ITGAV: variants seen among roughly 807,000 people sequenced by gnomAD.
ITGAV encodes the protein integrin subunit alpha V, also known as integrin alpha-V.
ITGAV carries 76 observed loss-of-function variants against 143.8 expected under a neutral mutation model. The observed-to-expected ratio is 0.53, with a 90% CI of 0.44 to 0.64. The LOEUF is 0.64. ITGAV is among the 30% of genes least tolerant of loss of function. The probability of loss-of-function intolerance (pLI) is 0.00; values close to 1 mark genes in which losing one functional copy is unlikely to be tolerated. For missense variants in ITGAV, 1,193 were observed against 1,274.7 expected (o/e 0.94, Z 0.98); for synonymous variants, 453 against 446.7 (o/e 1.01, Z -0.18).
intron 2 of ITGAV, among the ~76,000 whole-genome samples, chr2:186,618,121 AT>A (rs1687420165): frequency 6.6e-6 from 1 of 152,176 alleles, no homozygotes; most frequent in African/African-American, 2.4e-5. Context: ...CACCCAGTCT[AT>A]TTACACTTCC....
chr2:186,638,589 C>A, intron 10 of ITGAV, 124 bp downstream of exon 10: 1 of 713,296 alleles, frequency 1.4e-6, no homozygotes, highest in South Asian at 1.8e-5. Context: ...ATTCTTCCAA[C>A]TCTTACCATT....
rs1689298986 is a variant in ITGAV at position 186,679,535 on chromosome 2, TGAAAACTTTAAA to T, written c.*2244_*2255del. Reference sequence around the variant, plus strand: ...GATTAAATATCAAAAAATTGCCCTATGAAAACTTTAAATCTCTAAAACATTTGAAATACTACC... The same window carrying T: ...GATTAAATATCAAAAAATTGCCCTATTCTCTAAAACATTTGAAATACTACC... On this transcript the variant is annotated 3_prime_UTR_variant, in exon 30 of 30. Transcript: ENST00000261023. 2 of 152,062 alleles carry T rather than the reference TGAAAACTTTAAA, an allele frequency of 1.3e-5. No homozygotes were observed. Among genetic ancestry groups the T allele is most frequent in the East Asian group, 3.9e-4 (2 of 5,184 alleles). 9.4% of individuals were successfully genotyped at this position (152,062 alleles called of 1,614,324 possible).
At chr2:186,622,045 TTATC>T (rs912379809) in intron 2 of ITGAV, among the ~76,000 whole-genome samples, 3 of 152,340 alleles carry the variant, frequency 2.0e-5, no homozygotes, top group South Asian at 4.1e-4. Flanking sequence ...TAATAGTTAA[TTATC>T]TAACAGTTGA....
chr2:186,605,285 T>C (rs1687027953), intron 2 of ITGAV, among the ~76,000 whole-genome samples: 1 of 152,212 alleles, frequency 6.6e-6, no homozygotes, highest in Non-Finnish European at 1.5e-5. Context: ...TTCTCTGTGC[T>C]GTGCCTCATA....
At chr2:186,600,959 C>CA (rs556490103) in intron 1 of ITGAV, among the ~76,000 whole-genome samples, 2,453 of 92,914 alleles carry the variant, frequency 0.026, 55 homozygotes, top group African/African-American at 0.077. Context: ...GACTCTGTCT[C>CA]AAAAAAAAAA....
intron 2 of ITGAV, among the ~76,000 whole-genome samples, chr2:186,616,783 A>G (rs957654597): frequency 2.6e-5 from 4 of 152,164 alleles, no homozygotes; most frequent in Non-Finnish European, 5.9e-5. Flanking sequence ...GCATATAGAC[A>G]TAGGAGGTAC....
At chr2:186,606,702 T>G (rs546371585) in intron 2 of ITGAV, among the ~76,000 whole-genome samples, 2 of 152,164 alleles carry the variant, frequency 1.3e-5, no homozygotes, top group South Asian at 2.1e-4. Flanking sequence ...TCTTAGTCAG[T>G]CACATCTTTC....
Position 186,646,719 on chromosome 2 carries a change from A to T in ITGAV, c.1193A>T (p.Asp398Val), listed in dbSNP as rs750971373. ...ATTGCTGCTCCATATGGGGGTGAAG[A>T]TAAAAAAGGAATTGTTTATATCTTC... ...IAIAAPYGGE[D>V]KKGIVYIFNG... The change falls in exon 13 of 30, where the codon GAT (aspartate) becomes GTT (valine). Residue 398 changes from aspartate (D) to valine (V), a missense_variant. By Grantham distance (152) the Asp-to-Val change is radical. Coordinates refer to ENST00000261023, the MANE Select transcript of ITGAV (RefSeq NM_002210.5). 2.5e-6 allele frequency: 4 copies of T among 1,602,822 alleles called. No homozygotes were observed. The Admixed American group carries it at 6.7e-5, about 27-fold the overall frequency.
chr2:186,678,910 C>CTAA lies in ITGAV; in HGVS notation c.*1620_*1622dup, dbSNP rs1253865494. On this transcript the variant is annotated 3_prime_UTR_variant, in exon 30 of 30. Transcript: ENST00000261023. ...TAATTTCATGCACAAGTTGACTGAG[C>CTAA]TAATCTTGAGAATATATTCGTAAAA... is the stretch of plus-strand genomic sequence containing the variant. 5.5e-6 allele frequency: 2 copies of CTAA among 366,074 alleles called. No individual in the cohort carries two copies. The highest frequency in any genetic ancestry group is 5.3e-6 in the Non-Finnish European group (1 of 187,700). 22.7% of individuals were successfully genotyped at this position (366,074 alleles called of 1,614,324 possible).
chr2:186,667,581 T>C (rs1345749311), intron 23 of ITGAV, 90 bp from the exon 24 acceptor site: 5 of 588,958 alleles, frequency 8.5e-6, no homozygotes, highest in Non-Finnish European at 1.5e-5. Context: ...TAATTTTATT[T>C]ATTTGAGTAA....
chr2:186,666,733 C>A lies in ITGAV; in HGVS notation c.2196C>A (p.His732Gln). The A allele has an allele frequency of 6.3e-7, 1 of 1,585,614 alleles. No homozygotes were observed. The highest frequency in any genetic ancestry group is 8.6e-7 in the Non-Finnish European group (1 of 1,168,440). ...TAGCTGGTCTTCGTTTCAGTGTGCA[C>A]CAGCAGTCAGAGATGGATACTTCTG... ...QLLAGLRFSV[H>Q]QQSEMDTSVK... The change falls in exon 22 of 30, where the codon CAC becomes CAA. Residue 732 changes from histidine to glutamine, a missense_variant. Physicochemically the swap from His to Gln is conservative, Grantham distance 24 (BLOSUM62 0). Coordinates refer to ENST00000261023, the MANE Select transcript of ITGAV (RefSeq NM_002210.5).
chr2:186,641,119 T>A (rs1688091431), intron 11 of ITGAV, 152 bp downstream of exon 11: 2 of 712,814 alleles, frequency 2.8e-6, no homozygotes, highest in Admixed American at 5.7e-5. Context: ...TAATCATGAA[T>A]TCTAGAAAAC....
At chr2:186,633,182 T>C (rs1280761700) in intron 5 of ITGAV, 147 bp from the exon 6 acceptor site, 1 of 334,238 alleles carries the variant, frequency 3.0e-6, no homozygotes, top group African/African-American at 2.2e-5. Flanking sequence ...AAAAATATAA[T>C]TAACCTGGTA....
At chr2:186,647,708 C>G (rs968002860) in intron 13 of ITGAV, among the ~76,000 whole-genome samples, 1 of 152,262 alleles carries the variant, frequency 6.6e-6, no homozygotes, top group Non-Finnish European at 1.5e-5. Flanking sequence ...GTAGAGCAAG[C>G]AAGACCTTTT....
intron 18 of ITGAV, among the ~76,000 whole-genome samples, chr2:186,663,518 G>C (rs1688804699): frequency 6.6e-6 from 1 of 152,034 alleles, no homozygotes; most frequent in African/African-American, 2.4e-5. Flanking sequence ...AAACTGAAAG[G>C]TTCCAAGGAA....
intron 18 of ITGAV, among the ~76,000 whole-genome samples, chr2:186,659,896 C>T (rs897383821): frequency 1.6e-4 from 24 of 151,712 alleles, no homozygotes; most frequent in African/African-American, 5.8e-4. Context: ...TCATCCTGTA[C>T]ATTAATAATC....
chr2:186,613,846 A>T (rs893233975), intron 2 of ITGAV, among the ~76,000 whole-genome samples: 3 of 152,086 alleles, frequency 2.0e-5, no homozygotes, highest in Admixed American at 1.3e-4. Context: ...AGTATCTAGA[A>T]TTTTTATTTT....
intron 10 of ITGAV, among the ~76,000 whole-genome samples, chr2:186,639,460 T>A (rs896598223): frequency 1.3e-5 from 2 of 152,172 alleles, no homozygotes; most frequent in Admixed American, 1.3e-4. Context: ...TTAGGGTTGC[T>A]GCAGGGGTGG....
At chr2:186,599,819 C>T (rs1686848234) in intron 1 of ITGAV, among the ~76,000 whole-genome samples, 2 of 152,212 alleles carry the variant, frequency 1.3e-5, no homozygotes, top group Non-Finnish European at 2.9e-5. Flanking sequence ...AGGTGGCATT[C>T]TTGAATGTCT....
Sources: gnomAD v4.1 joint callset for allele counts (sites outside exome capture counted in the v4.1 genomes callset) on GRCh38, gnomAD v4.1.1 for gene constraint, MANE v1.5 for transcripts, NCBI Gene and HGNC (gene_info 2026-07-23, HGNC 2026-07-21) for gene names.